TSHZ2: variants seen among roughly 807,000 people sequenced by gnomAD.
The protein encoded by TSHZ2 is teashirt zinc finger homeobox 2, also known as teashirt homolog 2.
Under a neutral mutation model 74.4 loss-of-function variants are expected in TSHZ2, and 21 were observed. The ratio of observed to expected loss-of-function variants is 0.28; its 90% CI spans 0.20 to 0.41. The LOEUF (loss-of-function observed/expected upper bound fraction) is 0.41, where lower values mean the gene tolerates loss of function less well. Ranked by LOEUF, TSHZ2 falls within the 10% of genes least tolerant of loss-of-function variation. The probability of loss-of-function intolerance (pLI) is 1.00; values close to 1 mark genes in which losing one functional copy is unlikely to be tolerated. For synonymous variants in TSHZ2, 540 were observed against 515.3 expected, an observed-to-expected ratio of 1.05 and a Z score of -0.65; for missense variants, 1,244 against 1,293.5, an observed-to-expected ratio of 0.96 and a Z score of 0.59.
intron 1 of TSHZ2, among the ~76,000 whole-genome samples, chr20:53,018,164 C>T (rs560690284): frequency 1.4e-4 from 22 of 152,290 alleles, no homozygotes; most frequent in African/African-American, 4.6e-4. Context: ...AAGAAGGCAA[C>T]GTCCTTCTGT....
chr20:53,222,132 T>C (rs919639271), intron 1 of TSHZ2, among the ~76,000 whole-genome samples: 10 of 152,178 alleles, frequency 6.6e-5, no homozygotes, highest in Non-Finnish European at 1.3e-4. Flanking sequence ...CCATTCTTTT[T>C]CCTATTTCCA....
At chr20:53,284,358 A>G (rs1991123139) in intron 2 of TSHZ2, among the ~76,000 whole-genome samples, 1 of 152,244 alleles carries the variant, frequency 6.6e-6, no homozygotes. Flanking sequence ...AATTATGCAC[A>G]TAAATATGCT....
At chr20:53,464,918 C>A (rs1401233821) in intron 2 of TSHZ2, among the ~76,000 whole-genome samples, 1 of 152,230 alleles carries the variant, frequency 6.6e-6, no homozygotes, top group East Asian at 1.9e-4. Flanking sequence ...AGGCATGAGC[C>A]ACCACGCTCA....
chr20:53,278,149 A>C (rs575948713), intron 2 of TSHZ2, among the ~76,000 whole-genome samples: 5 of 152,278 alleles, frequency 3.3e-5, no homozygotes, highest in Non-Finnish European at 7.3e-5. Flanking sequence ...TCATCATTTA[A>C]ATCTCAGCTT....
At chr20:53,067,840 T>C (rs1600673965) in intron 1 of TSHZ2, among the ~76,000 whole-genome samples, 1 of 152,322 alleles carries the variant, frequency 6.6e-6, no homozygotes, top group East Asian at 1.9e-4. Context: ...AGAAATGTAC[T>C]GTCTCAGAGC....
chr20:52,975,664 G>A (rs1981306259), intron 1 of TSHZ2, among the ~76,000 whole-genome samples: 1 of 152,098 alleles, frequency 6.6e-6, no homozygotes, highest in South Asian at 2.1e-4. Context: ...GCTGAAAAAG[G>A]ATGATTCATT....
chr20:53,470,024 GAA>G (rs1052892930), intron 2 of TSHZ2, among the ~76,000 whole-genome samples: 13 of 152,178 alleles, frequency 8.5e-5, no homozygotes, highest in Non-Finnish European at 1.3e-4. Context: ...GATAGAAGAA[GAA>G]AAAAAGAGTC....
At chr20:53,220,469 G>C (rs921538303) in intron 1 of TSHZ2, among the ~76,000 whole-genome samples, 3 of 152,272 alleles carry the variant, frequency 2.0e-5, no homozygotes, top group African/African-American at 7.2e-5. Flanking sequence ...TTGTTTGTTT[G>C]TGTTTTTTGT....
rs781117612 is a variant in TSHZ2 at position 53,254,492 on chromosome 20, C to A, written c.1034C>A (p.Ser345Tyr). 3.8e-5 allele frequency: 62 copies of A among 1,613,964 alleles called. No homozygotes were observed. The African/African-American group carries it at 7.3e-4, about 19-fold the overall frequency. ...STTGSFADSFSSQKNANLQLS... is the reference protein window; with the variant it reads ...STTGSFADSFYSQKNANLQLS... The stretch of plus-strand genomic sequence containing the variant: ...ACAGGATCTTTTGCAGATTCTTTTT[C>A]TTCTCAGAAGAACGCCAACTTGCAG... The change falls in exon 2 of 3, where the codon TCT becomes TAT. Residue 345 changes from serine (S) to tyrosine (Y), a missense_variant. Ser to Tyr is a moderately radical substitution (Grantham distance 144). This residue lies in a region of TSHZ2 where 470 missense variants were observed against 456.5 expected (regional missense o/e 1.03). Transcript: ENST00000371497.
intron 1 of TSHZ2, among the ~76,000 whole-genome samples, chr20:53,146,794 G>A (rs960395704): frequency 6.6e-6 from 1 of 152,144 alleles, no homozygotes; most frequent in Non-Finnish European, 1.5e-5. Flanking sequence ...AATACAGTGA[G>A]GAACAAATTC....
At chr20:53,372,456 G>A (rs761175975) in intron 2 of TSHZ2, among the ~76,000 whole-genome samples, 4 of 152,064 alleles carry the variant, frequency 2.6e-5, no homozygotes, top group Non-Finnish European at 4.4e-5. Context: ...CAGCCTGGGT[G>A]ACAGAGTGAG....
At position 53,492,580 on chromosome 20, in the gene TSHZ2, T is replaced by C. The variant is rs1986478133; in HGVS notation, c.*5445T>C. On this transcript the variant is annotated 3_prime_UTR_variant, in exon 3 of 3. Transcript: ENST00000371497. The stretch of plus-strand genomic sequence containing the variant: ...TCCTTCTAATCCCTTCTGACTTTGA[T>C]TCCTAACAGCCAGGCACTGTTGACA... 1 of 152,222 alleles carries C rather than the reference T, an allele frequency of 6.6e-6. No individual in the cohort carries two copies. The highest frequency in any genetic ancestry group is 2.4e-5 in the African/African-American group (1 of 41,452). 9.4% of individuals were successfully genotyped at this position (152,222 alleles called of 1,614,324 possible). A position where few individuals can be genotyped will look rare whatever the true frequency, so the allele number is the denominator to read the frequency against.
chr20:53,336,563 G>T (rs1426599544), intron 2 of TSHZ2, among the ~76,000 whole-genome samples: 1 of 152,186 alleles, frequency 6.6e-6, no homozygotes, highest in East Asian at 1.9e-4. Context: ...CATCCAAGCT[G>T]GTGGGTAAGC....
At chr20:53,291,317 C>T (rs760800461) in intron 2 of TSHZ2, among the ~76,000 whole-genome samples, 17 of 151,924 alleles carry the variant, frequency 1.1e-4, no homozygotes, top group Admixed American at 2.0e-4. Flanking sequence ...ACTAAAAATA[C>T]ACAAAATTAG....
intron 1 of TSHZ2, among the ~76,000 whole-genome samples, chr20:53,002,623 A>C (rs1040117813): frequency 4.0e-5 from 6 of 151,610 alleles, no homozygotes; most frequent in Non-Finnish European, 7.4e-5. Context: ...TTTATAAAAA[A>C]GAAAATAAAT....
intron 1 of TSHZ2, among the ~76,000 whole-genome samples, chr20:53,132,463 A>G (rs908456626): frequency 2.0e-5 from 3 of 151,924 alleles, no homozygotes; most frequent in African/African-American, 7.3e-5. Flanking sequence ...TATTTTTAGT[A>G]GAGACGGGGT....
intron 2 of TSHZ2, among the ~76,000 whole-genome samples, chr20:53,417,235 C>CACACAG (rs1369549588): frequency 8.6e-6 from 1 of 116,902 alleles, no homozygotes; most frequent in Non-Finnish European, 1.7e-5. Context: ...GACACAGACA[C>CACACAG]ACACAGACAC....
At chr20:53,298,819 C>G (rs1166127135) in intron 2 of TSHZ2, among the ~76,000 whole-genome samples, 8 of 152,178 alleles carry the variant, frequency 5.3e-5, no homozygotes, top group Non-Finnish European at 8.8e-5. Flanking sequence ...TTGTATATTG[C>G]AGTCCTTAAA....
chr20:53,435,768 C>A (rs1984032820), intron 2 of TSHZ2, among the ~76,000 whole-genome samples: 2 of 152,242 alleles, frequency 1.3e-5, no homozygotes, highest in Admixed American at 1.3e-4. Context: ...CCACCTCAGC[C>A]TTCCAAAGTG....
Sources: allele counts gnomAD v4.1 joint callset (sites outside exome capture counted in the v4.1 genomes callset), GRCh38; gene constraint gnomAD v4.1.1; regional missense constraint gnomAD v4.1.1; transcripts MANE v1.5; gene names NCBI Gene and HGNC (gene_info 2026-07-23, HGNC 2026-07-21).